NDUFAF2: variants seen among roughly 807,000 people sequenced by gnomAD.
NDUFAF2 encodes the protein NADH:ubiquinone oxidoreductase complex assembly factor 2.
NDUFAF2 carries 13 observed loss-of-function variants against 22.8 expected under a neutral mutation model. The ratio of observed to expected loss-of-function variants is 0.57; its 90% CI spans 0.37 to 0.91. The LOEUF (loss-of-function observed/expected upper bound fraction) is 0.91, where lower values mean the gene tolerates loss of function less well. NDUFAF2 is among the 40% of genes least tolerant of loss of function. The probability of loss-of-function intolerance (pLI) is 0.01; values close to 1 mark genes in which losing one functional copy is unlikely to be tolerated. For missense variants in NDUFAF2, 162 were observed against 195.2 expected, an observed-to-expected ratio of 0.83 and a Z score of 1.01; for synonymous variants, 53 against 64.2, an observed-to-expected ratio of 0.83 and a Z score of 0.84.
intron 3 of NDUFAF2, among the ~76,000 whole-genome samples, chr5:61,139,931 G>A (rs1445668048): frequency 4.6e-5 from 7 of 152,160 alleles, no homozygotes; most frequent in African/African-American, 9.7e-5. Flanking sequence ...TCCCACTTTC[G>A]GATAGGGGGA....
chr5:60,954,771 G>A (rs1330211216), intron 1 of NDUFAF2, among the ~76,000 whole-genome samples: 1 of 150,458 alleles, frequency 6.6e-6, no homozygotes, highest in African/African-American at 2.4e-5. Flanking sequence ...TTAAATAGTA[G>A]CCATCCTAAC....
intron 1 of NDUFAF2, among the ~76,000 whole-genome samples, chr5:61,048,828 G>C (rs1751987631): frequency 6.6e-6 from 1 of 152,056 alleles, no homozygotes; most frequent in Non-Finnish European, 1.5e-5. Flanking sequence ...TCATCTTTGA[G>C]ACCATACAAA....
At chr5:60,969,523 T>G (rs1408701090) in intron 1 of NDUFAF2, among the ~76,000 whole-genome samples, 1 of 152,126 alleles carries the variant, frequency 6.6e-6, no homozygotes, top group Non-Finnish European at 1.5e-5. Context: ...TTTGAAAATG[T>G]GTATTCAGAT....
intron 2 of NDUFAF2, among the ~76,000 whole-genome samples, chr5:61,086,120 TA>T (rs965997760): frequency 4.7e-5 from 7 of 150,084 alleles, no homozygotes; most frequent in East Asian, 1.9e-4. Context: ...TCCTATCTCT[TA>T]AAAAAAAAGA....
chr5:61,103,401 C>T (rs295562), intron 3 of NDUFAF2, among the ~76,000 whole-genome samples: 91,260 of 151,706 alleles, frequency 0.6, 28,194 homozygotes, highest in East Asian at 0.94. Context: ...ACCTTTTTTT[C>T]CCTCAACTTC....
chr5:61,052,159 C>A (rs1752032217), intron 1 of NDUFAF2, among the ~76,000 whole-genome samples: 1 of 148,216 alleles, frequency 6.7e-6, no homozygotes, highest in Non-Finnish European at 1.5e-5. Flanking sequence ...GTAGTCAGTC[C>A]AGAAAAGGAA....
At chr5:61,113,797 A>G (rs749926729) in intron 3 of NDUFAF2, among the ~76,000 whole-genome samples, 2 of 143,292 alleles carry the variant, frequency 1.4e-5, no homozygotes, top group Non-Finnish European at 3.0e-5. Flanking sequence ...CATAAGAACA[A>G]CTAATACATA....
At chr5:60,983,285 A>G (rs2112580082) in intron 1 of NDUFAF2, among the ~76,000 whole-genome samples, 1 of 45,474 alleles carries the variant, frequency 2.2e-5, no homozygotes, top group South Asian at 8.1e-4. Context: ...AGTTCATTGT[A>G]GATTGTGGAT....
intron 3 of NDUFAF2, among the ~76,000 whole-genome samples, chr5:61,126,340 T>C (rs1408552941): frequency 6.6e-6 from 1 of 152,044 alleles, no homozygotes; most frequent in African/African-American, 2.4e-5. Context: ...GTTTTGACAA[T>C]GTCTCTTCTT....
At chr5:61,056,402 G>A (rs936252721) in intron 1 of NDUFAF2, among the ~76,000 whole-genome samples, 1 of 152,138 alleles carries the variant, frequency 6.6e-6, no homozygotes, top group Non-Finnish European at 1.5e-5. Context: ...GCCTTCACAA[G>A]CAAAATGGAA....
At chr5:61,040,353 A>G (rs1353585424) in intron 1 of NDUFAF2, among the ~76,000 whole-genome samples, 2 of 151,826 alleles carry the variant, frequency 1.3e-5, no homozygotes, top group African/African-American at 4.8e-5. Context: ...AAGGAAGGCC[A>G]GGAGCCACTA....
chr5:61,120,696 TA>T (rs1367219832), intron 3 of NDUFAF2, among the ~76,000 whole-genome samples: 2 of 151,200 alleles, frequency 1.3e-5, no homozygotes, highest in African/African-American at 4.9e-5. Context: ...AGGTGCATAT[TA>T]AAAGTATACA....
intron 1 of NDUFAF2, among the ~76,000 whole-genome samples, chr5:60,992,471 T>A (rs1436402416): frequency 6.6e-6 from 1 of 152,174 alleles, no homozygotes. Flanking sequence ...CCATTTTGAT[T>A]TGATTTTTAT....
At chr5:61,049,559 T>A (rs1173432386) in intron 1 of NDUFAF2, among the ~76,000 whole-genome samples, 2 of 152,164 alleles carry the variant, frequency 1.3e-5, no homozygotes, top group East Asian at 3.9e-4. Context: ...CTTTTTATCT[T>A]GCAAAGCTAA....
chr5:61,053,798 A>G (rs954301595), intron 1 of NDUFAF2, among the ~76,000 whole-genome samples: 1 of 152,202 alleles, frequency 6.6e-6, no homozygotes, highest in Non-Finnish European at 1.5e-5. Context: ...TAATATAGAC[A>G]TGAAATGAGA....
At chr5:61,044,060 G>A in intron 1 of NDUFAF2, among the ~76,000 whole-genome samples, 1 of 152,090 alleles carries the variant, frequency 6.6e-6, no homozygotes, top group East Asian at 1.9e-4. Flanking sequence ...ACAGGTGTAA[G>A]GTGATATCTC....
Position 61,073,198 on chromosome 5 carries a change from T to G in NDUFAF2, c.201T>G (p.Ile67Met). 1 of 1,611,710 alleles carries G rather than the reference T, an allele frequency of 6.2e-7. No homozygotes were observed. Among genetic ancestry groups the G allele is most frequent in the South Asian group, 1.1e-5 (1 of 91,028 alleles). The change falls in exon 2 of 4, where the codon ATT (isoleucine) becomes ATG (methionine). Residue 67 changes from isoleucine to methionine, a missense_variant. By Grantham distance (10) the Ile-to-Met change is conservative (BLOSUM62 1). This residue lies in a region of NDUFAF2 where 94 missense variants were observed against 85.2 expected (regional missense o/e 1.10). Transcript: ENST00000296597. ...KKEVDYEAGD[I>M]PTEWEAWIRR... is the part of the protein sequence containing the mutation. ...AAGTAGACTATGAAGCAGGGGATAT[T>G]CCAACAGAATGGGAAGGTAAGTTTC...
chr5:61,025,265 G>A (rs1419401589), intron 1 of NDUFAF2, among the ~76,000 whole-genome samples: 1 of 151,864 alleles, frequency 6.6e-6, no homozygotes, highest in African/African-American at 2.4e-5. Flanking sequence ...TATATTTATT[G>A]AATGAATCGA....
At chr5:60,988,411 C>T (rs1028108107) in intron 1 of NDUFAF2, among the ~76,000 whole-genome samples, 1 of 152,102 alleles carries the variant, frequency 6.6e-6, no homozygotes, top group Non-Finnish European at 1.5e-5. Flanking sequence ...GCATTATTCA[C>T]AGAACTAGAA....
Sources: gnomAD v4.1 joint callset for allele counts (sites outside exome capture counted in the v4.1 genomes callset) on GRCh38, gnomAD v4.1.1 for gene constraint, gnomAD v4.1.1 regional missense constraint, MANE v1.5 for transcripts, NCBI Gene and HGNC (gene_info 2026-07-23, HGNC 2026-07-21) for gene names.